The following IGSF3 variants were observed in gnomAD, a reference collection of about 807,000 sequenced individuals.
The protein encoded by IGSF3 is glu-Trp-Ile EWI motif-containing protein 3.
Under a neutral mutation model 114.4 loss-of-function variants are expected in IGSF3, and 23 were observed. That is an observed-to-expected ratio of 0.20 (90% CI 0.14 to 0.28). IGSF3 has a LOEUF of 0.28. IGSF3 is among the 10% of genes least tolerant of loss of function. The probability of loss-of-function intolerance (pLI) is 1.00; values close to 1 mark genes in which losing one functional copy is unlikely to be tolerated. For missense variants in IGSF3, 1,172 were observed against 1,591.5 expected (o/e 0.74, Z 4.48); for synonymous variants, 571 against 645.2 (o/e 0.88, Z 1.74).
At chr1:116,597,099 A>G (rs200707506) in intron 7 of IGSF3, among the ~76,000 whole-genome samples, 1 of 152,206 alleles carries the variant, frequency 6.6e-6, no homozygotes, top group African/African-American at 2.4e-5. Flanking sequence ...ACTCTTTAAC[A>G]AGGCACACCT....
chr1:116,632,315 T>A lies in IGSF3; in HGVS notation c.44-15858A>T, dbSNP rs1027083635. Among the ~76,000 whole-genome samples the A allele has an allele frequency of 6.6e-6, 1 of 152,026 alleles. No homozygotes were observed. The highest frequency in any genetic ancestry group is 1.5e-5 in the Non-Finnish European group (1 of 67,998). On this transcript the variant is annotated intron_variant, in intron 2 of 10. Transcript: ENST00000369486. This position sits in a 1 kb window ranked among gnomAD's most constrained non-coding sequence, Gnocchi z 5.1. Reference sequence around the variant, plus strand: ...TAGTGCTGATAACAGGAGTTATCAGTTGCTTTTTGTGCACAGCCAGATGAG... The same window carrying A: ...TAGTGCTGATAACAGGAGTTATCAGATGCTTTTTGTGCACAGCCAGATGAG...
chr1:116,585,033 G>C lies in IGSF3; in HGVS notation c.2460C>G (p.Ser820Arg), dbSNP rs199709861. The C allele has an allele frequency of 4.5e-5, 70 of 1,543,424 alleles. No homozygotes were observed. The South Asian group carries it at 8.7e-4, about 19-fold the overall frequency. Reference protein sequence around the residue: ...VKQPDSRLRLSQAQGNLSVLE... With the variant: ...VKQPDSRLRLRQAQGNLSVLE... ...GAACCGACAGGTTCCCCTGGGCTTG[G>C]CTGAGCCTCAGGCGGCTGTCTGGAA... The change falls in exon 9 of 11, where the codon AGC becomes AGG. Residue 820 changes from serine (S) to arginine (R), a missense_variant. Transcript: ENST00000369486. The surrounding 1 kb of genome is among the most constrained non-coding windows in gnomAD (Gnocchi z 4.9).
chr1:116,639,239 G>A (rs1647970809), intron 2 of IGSF3, among the ~76,000 whole-genome samples: 1 of 152,222 alleles, frequency 6.6e-6, no homozygotes, highest in Non-Finnish European at 1.5e-5. Context: ...CTGGCTGGAA[G>A]GGGAGGGTGG....
chr1:116,612,105 T>C lies in IGSF3; in HGVS notation c.832+1660A>G, dbSNP rs1378536498. Among the ~76,000 whole-genome samples, 2 of 152,190 alleles carry C rather than the reference T, an allele frequency of 1.3e-5. No homozygotes were observed. Among genetic ancestry groups the C allele is most frequent in the African/African-American group, 4.8e-5 (2 of 41,502 alleles). On this transcript the variant is annotated intron_variant, in intron 4 of 10. Coordinates refer to ENST00000369486, the MANE Select transcript of IGSF3 (RefSeq NM_001007237.3). This position sits in a 1 kb window ranked among gnomAD's most constrained non-coding sequence, Gnocchi z 4.1. ...AAATTCAAAAAGTTCTAATTCCAAA[T>C]TGGTAAGATTAAAATAAAGAAGATT...
intron 4 of IGSF3, among the ~76,000 whole-genome samples, chr1:116,609,748 G>C (rs1660940900): frequency 1.3e-5 from 2 of 152,026 alleles, no homozygotes; most frequent in Admixed American, 1.3e-4. Context: ...CTATCTTCAA[G>C]ATCTTGCCCA....
rs1174629657 is a variant in IGSF3, at chr1:116,655,621, C to T, written c.43+10663G>A. Among the ~76,000 whole-genome samples, 1 of 152,120 alleles carries T rather than the reference C, an allele frequency of 6.6e-6. No individual in the cohort carries two copies. Among genetic ancestry groups the T allele is most frequent in the Non-Finnish European group, 1.5e-5 (1 of 68,030 alleles). On this transcript the variant is annotated intron_variant, in intron 2 of 10. Coordinates refer to ENST00000369486, the MANE Select transcript of IGSF3 (RefSeq NM_001007237.3). The surrounding 1 kb of genome is among the most constrained non-coding windows in gnomAD (Gnocchi z 4.3). ...GTAGCCAGCAACCTTAAAGGCTACTCGGGTCCAGTTCATTCTATCTGGAGG... is the reference window on the plus strand; with the variant it reads ...GTAGCCAGCAACCTTAAAGGCTACTTGGGTCCAGTTCATTCTATCTGGAGG...
intron 4 of IGSF3, among the ~76,000 whole-genome samples, chr1:116,608,591 C>T (rs1660891659): frequency 6.6e-6 from 1 of 152,184 alleles, no homozygotes; most frequent in Non-Finnish European, 1.5e-5. Context: ...CAGTTAAGAC[C>T]AATGGGGCTC....
At position 116,624,107 on chromosome 1, in the gene IGSF3, T is replaced by C. The variant is rs1661501886; in HGVS notation, c.44-7650A>G. Reference sequence around the variant, plus strand: ...ATCTAAAAAAAAAACAAAAAAAAGGTCCCTGAGGATCCCTCGAGCCTGGGA... The same window carrying C: ...ATCTAAAAAAAAAACAAAAAAAAGGCCCCTGAGGATCCCTCGAGCCTGGGA... On this transcript the variant is annotated intron_variant, in intron 2 of 10. Transcript: ENST00000369486. This position sits in a 1 kb window ranked among gnomAD's most constrained non-coding sequence, Gnocchi z 4.9. Among the ~76,000 whole-genome samples the C allele has an allele frequency of 6.8e-6, 1 of 146,206 alleles. No individual in the cohort carries two copies. Among genetic ancestry groups the C allele is most frequent in the African/African-American group, 2.6e-5 (1 of 39,108 alleles).
At chr1:116,602,197 G>C (rs1245332828) in intron 6 of IGSF3, among the ~76,000 whole-genome samples, 2 of 152,190 alleles carry the variant, frequency 1.3e-5, no homozygotes, top group Non-Finnish European at 1.5e-5. Flanking sequence ...CTGGCCTCCA[G>C]ATCCCAGGGC....
intron 2 of IGSF3, among the ~76,000 whole-genome samples, chr1:116,652,641 G>A (rs528420508): frequency 6.6e-6 from 1 of 152,296 alleles, no homozygotes; most frequent in East Asian, 1.9e-4. Flanking sequence ...ATCCAATTTA[G>A]TCCAACAGAT....
In IGSF3 at chr1:116,595,366, G is replaced by A. The variant is rs1026913361; in HGVS notation, c.2029+4575C>T. 1.3e-5 allele frequency among the ~76,000 whole-genome samples: 2 copies of A among 152,148 alleles called. No homozygotes were observed. Among genetic ancestry groups the A allele is most frequent in the Non-Finnish European group, 2.9e-5 (2 of 68,020 alleles). On this transcript the variant is annotated intron_variant, in intron 7 of 10. Transcript: ENST00000369486. This position sits in a 1 kb window ranked among gnomAD's most constrained non-coding sequence, Gnocchi z 4.2. ...CAGAAGCCACCTGGGATGGAAGAAG[G>A]AGAACCCCAGACTCCCCTGAAAGAA...
In IGSF3 at chr1:116,594,647, C is replaced by T. The variant is rs61786562; in HGVS notation, c.2029+5294G>A. On this transcript the variant is annotated intron_variant, in intron 7 of 10. Coordinates refer to ENST00000369486, the MANE Select transcript of IGSF3 (RefSeq NM_001007237.3). The surrounding 1 kb of genome is among the most constrained non-coding windows in gnomAD (Gnocchi z 5.2). ...GTAGAGCTGGAATTCAAACCCAGGC[C>T]GTCTGGTCTGTCCTTGCTTTTAGCT... 2.0e-5 allele frequency among the ~76,000 whole-genome samples: 3 copies of T among 152,176 alleles called. No homozygotes were observed. The highest frequency in any genetic ancestry group is 4.4e-5 in the Non-Finnish European group (3 of 68,032).
At chr1:116,641,069 G>T (rs1648072952) in intron 2 of IGSF3, among the ~76,000 whole-genome samples, 1 of 152,176 alleles carries the variant, frequency 6.6e-6, no homozygotes, top group Admixed American at 6.5e-5. Context: ...AATTCTACAG[G>T]GAGGGTAGGG....
In IGSF3 at chr1:116,614,134, G is replaced by C. The variant is rs547320168; in HGVS notation, c.463C>G (p.Leu155Val). ...AGCGGGTCCTGCTCCACTCTGTGCA[G>C]AGTCTGGGGCATGGCAGTGGTCTGC... ...SLQTTAMPQT[L>V]HRVEQDPLEL... Residue 155 changes from leucine to valine, a missense_variant, in exon 4 of 11, where the codon CTG (leucine) becomes GTG (valine). Physicochemically the swap from Leu to Val is conservative, Grantham distance 32 (BLOSUM62 1). Transcript: ENST00000369486. The surrounding 1 kb of genome is among the most constrained non-coding windows in gnomAD (Gnocchi z 4.5). The C allele has an allele frequency of 1.4e-5, 23 of 1,613,494 alleles. No homozygotes were observed.
rs1210232386 is a variant in IGSF3, at chr1:116,577,759, G to A, written c.3335-197C>T. Among the ~76,000 whole-genome samples, 1 of 152,034 alleles carries A rather than the reference G, an allele frequency of 6.6e-6. No homozygotes were observed. Among genetic ancestry groups the A allele is most frequent in the Non-Finnish European group, 1.5e-5 (1 of 68,014 alleles). ...TCTCGCAACACCTCTCCTAATTTAC[G>A]GCTGTATGTTCCAACAAAGCAATGC... On this transcript the variant is annotated intron_variant, in intron 10 of 10. Transcript: ENST00000369486. The surrounding 1 kb of genome is among the most constrained non-coding windows in gnomAD (Gnocchi z 5.7).
At chr1:116,623,125 G>A (rs933900168) in intron 2 of IGSF3, among the ~76,000 whole-genome samples, 4 of 152,220 alleles carry the variant, frequency 2.6e-5, no homozygotes, top group African/African-American at 9.6e-5. Flanking sequence ...GGCCAAGGAA[G>A]GACAGGAAGT....
intron 2 of IGSF3, among the ~76,000 whole-genome samples, chr1:116,631,936 A>G (rs1276230489): frequency 6.6e-6 from 1 of 152,224 alleles, no homozygotes; most frequent in Non-Finnish European, 1.5e-5. Context: ...CTGGCATTCA[A>G]TCCTCCTCAA....
rs925313052 is a variant in IGSF3 at position 116,605,512 on chromosome 1, G to C, written c.1223-1487C>G. 3.9e-5 allele frequency among the ~76,000 whole-genome samples: 6 copies of C among 152,112 alleles called. No individual in the cohort carries two copies. The highest frequency in any genetic ancestry group is 2.1e-4 in the South Asian group (1 of 4,822). Reference sequence around the variant, plus strand: ...GATTCATAGAGATGATCAGGCTCCTGAACAGTCACCATCTATAGCACTAAT... The same window carrying C: ...GATTCATAGAGATGATCAGGCTCCTCAACAGTCACCATCTATAGCACTAAT... On this transcript the variant is annotated intron_variant, in intron 5 of 10. Coordinates refer to ENST00000369486, the MANE Select transcript of IGSF3 (RefSeq NM_001007237.3). The surrounding 1 kb of genome is among the most constrained non-coding windows in gnomAD (Gnocchi z 5.1).
In IGSF3 at chr1:116,600,459, G is replaced by C. The variant is rs996597894; in HGVS notation, c.1625-114C>G. 40 of 844,230 alleles carry C rather than the reference G, an allele frequency of 4.7e-5. No homozygotes were observed. Among genetic ancestry groups the C allele is most frequent in the Non-Finnish European group, 6.6e-5 (36 of 545,542 alleles). 52.3% of individuals were successfully genotyped at this position (844,230 alleles called of 1,614,324 possible). A position where few individuals can be genotyped will look rare whatever the true frequency, so the allele number is the denominator to read the frequency against. The stretch of plus-strand genomic sequence containing the variant: ...AAGCAGTGTGGGACAGAGGCTCTCG[G>C]AGCCCCTTTTGAGCTCTCAGGCTAG... On this transcript the variant is annotated intron_variant, in intron 6 of 10. Coordinates refer to ENST00000369486, the MANE Select transcript of IGSF3 (RefSeq NM_001007237.3). The surrounding 1 kb of genome is among the most constrained non-coding windows in gnomAD (Gnocchi z 5.5).
Sources: allele counts gnomAD v4.1 joint callset (sites outside exome capture counted in the v4.1 genomes callset), GRCh38; gene constraint gnomAD v4.1.1; non-coding constraint Gnocchi (gnomAD v3.1); transcripts MANE v1.5; gene names NCBI Gene and HGNC (gene_info 2026-07-23, HGNC 2026-07-21).